Variants in TRPM3 observed in about 807,000 individuals in gnomAD.
The protein encoded by TRPM3 is long transient receptor potential channel 3.
TRPM3 carries 77 observed loss-of-function variants against 181.2 expected under a neutral mutation model. The observed-to-expected ratio is 0.42, with a 90% CI of 0.35 to 0.51. The LOEUF (loss-of-function observed/expected upper bound fraction) is 0.51, where lower values mean the gene tolerates loss of function less well. TRPM3 is among the 20% of genes least tolerant of loss of function. TRPM3 has a pLI of 0.01. For missense variants in TRPM3, 1,759 were observed against 2,196.7 expected (o/e 0.80, Z 3.98); for synonymous variants, 745 against 796.4 (o/e 0.94, Z 1.09).
intron 1 of TRPM3, among the ~76,000 whole-genome samples, chr9:71,266,541 G>A (rs1417271315): frequency 6.6e-6 from 1 of 151,984 alleles, no homozygotes. Flanking sequence ...CTCCCCATAA[G>A]TGGCAAAATG....
At chr9:70,815,772 T>G (rs1401556111) in intron 6 of TRPM3, among the ~76,000 whole-genome samples, 1 of 152,352 alleles carries the variant, frequency 6.6e-6, no homozygotes, top group East Asian at 1.9e-4. Flanking sequence ...TTTGCATTTG[T>G]TCACTGTATT....
chr9:71,275,790 C>A (rs1376764565), intron 1 of TRPM3, among the ~76,000 whole-genome samples: 1 of 151,402 alleles, frequency 6.6e-6, no homozygotes, highest in Admixed American at 6.6e-5. Context: ...ATGATGAGTG[C>A]ATAAATGCAA....
chr9:71,116,240 G>A (rs1024534876), intron 1 of TRPM3, among the ~76,000 whole-genome samples: 3 of 152,092 alleles, frequency 2.0e-5, no homozygotes, highest in African/African-American at 7.2e-5. Flanking sequence ...CTCTTGTGGT[G>A]GAAATTTAAC....
At chr9:71,441,957 G>T (rs184383208) in intron 1 of TRPM3, among the ~76,000 whole-genome samples, 5 of 152,266 alleles carry the variant, frequency 3.3e-5, no homozygotes, top group African/African-American at 1.2e-4. Flanking sequence ...AGACCTTAAA[G>T]AATTCGCTTT....
In TRPM3 at chr9:70,629,222, G is replaced by C. The variant is rs1461525826; in HGVS notation, c.1633-3705C>G. ...TGATTCTGTGACCAGTGCCGGGGGG[G>C]GGGGGGGCCTGCGTTCTGTTTGACC... On this transcript the variant is annotated intron_variant, in intron 12 of 25. Transcript: ENST00000677713. Among the ~76,000 whole-genome samples the C allele has an allele frequency of 4.0e-4, 35 of 87,678 alleles. 6 individuals are homozygous for C. The highest frequency in any genetic ancestry group is 4.0e-3 in the South Asian group (6 of 1,518). 57.5% of individuals were successfully genotyped at this position (87,678 alleles called of 152,430 possible). A position where few individuals can be genotyped will look rare whatever the true frequency, so the allele number is the denominator to read the frequency against.
At chr9:70,771,342 T>C (rs997737041) in intron 7 of TRPM3, among the ~76,000 whole-genome samples, 2 of 152,204 alleles carry the variant, frequency 1.3e-5, no homozygotes, top group Admixed American at 6.5e-5. Flanking sequence ...TAAGATGATA[T>C]AGCTGGTAAG....
At chr9:70,870,131 C>T (rs1010648833) in intron 1 of TRPM3, among the ~76,000 whole-genome samples, 7 of 151,840 alleles carry the variant, frequency 4.6e-5, no homozygotes, top group African/African-American at 1.5e-4. Context: ...TTCATTTTTC[C>T]GTAATCCTCT....
rs78008674 is a variant in TRPM3 at position 70,888,872 on chromosome 9, T to A, written c.178-24361A>T. ...ACCTGGAAGATTAGACATATGCATT[T>A]ATCTCGATTTCTCTCAAGTATTCTT... On this transcript the variant is annotated intron_variant, in intron 1 of 25. Coordinates refer to ENST00000677713, the MANE Select transcript of TRPM3 (RefSeq NM_001366145.2). Among the ~76,000 whole-genome samples the A allele has an allele frequency of 4.2e-4, 64 of 152,316 alleles. No individual in the cohort carries two copies. The East Asian group carries it at 0.012, about 29-fold the overall frequency.
At position 70,994,613 on chromosome 9, in the gene TRPM3, G is replaced by T. The variant is rs563726018; in HGVS notation, c.177+126565C>A. The stretch of plus-strand genomic sequence containing the variant: ...ATACACATTGATACGTATGCCCAGA[G>T]AAATTTTCCCCCTTCAGTATTTTTC... On this transcript the variant is annotated intron_variant, in intron 1 of 25. Transcript: ENST00000677713. 3.0e-4 allele frequency among the ~76,000 whole-genome samples: 46 copies of T among 151,962 alleles called. 1 individual carries two copies. In the South Asian group the frequency reaches 7.9e-3, roughly 26 times the overall value.
chr9:70,658,491 G>A (rs1307651057), intron 9 of TRPM3, among the ~76,000 whole-genome samples: 3 of 152,054 alleles, frequency 2.0e-5, no homozygotes, highest in East Asian at 3.9e-4. Flanking sequence ...GGCTGTGATT[G>A]TATAAATATG....
chr9:71,274,514 C>T (rs2084043465), intron 1 of TRPM3, among the ~76,000 whole-genome samples: 2 of 152,192 alleles, frequency 1.3e-5, no homozygotes, highest in South Asian at 4.1e-4. Context: ...TGTCATCTTC[C>T]CTTCCTACAG....
chr9:70,814,996 T>G (rs1296378540), intron 6 of TRPM3, among the ~76,000 whole-genome samples: 1 of 151,972 alleles, frequency 6.6e-6, no homozygotes, highest in Non-Finnish European at 1.5e-5. Flanking sequence ...AGGTATAAAG[T>G]GAAAAGTGTC....
chr9:71,260,677 C>T (rs894036782), intron 1 of TRPM3, among the ~76,000 whole-genome samples: 10 of 152,112 alleles, frequency 6.6e-5, no homozygotes, highest in East Asian at 1.9e-4. Context: ...TTTGGCTCTC[C>T]GTTTGTCTAT....
intron 1 of TRPM3, among the ~76,000 whole-genome samples, chr9:71,087,316 T>C (rs1041034909): frequency 6.6e-6 from 1 of 152,026 alleles, no homozygotes; most frequent in Non-Finnish European, 1.5e-5. Context: ...ATACTGTGCT[T>C]ATACAGGAAA....
intron 7 of TRPM3, among the ~76,000 whole-genome samples, chr9:70,769,208 C>T (rs1276952264): frequency 1.3e-5 from 2 of 152,146 alleles, no homozygotes; most frequent in Non-Finnish European, 2.9e-5. Flanking sequence ...TATGGTCTTG[C>T]TCCACAGCTA....
At chr9:70,552,744 G>A in intron 24 of TRPM3, 100 bp downstream of exon 24, 2 of 1,236,804 alleles carry the variant, frequency 1.6e-6, no homozygotes, top group Non-Finnish European at 2.4e-6. Flanking sequence ...GCCTGCAAGA[G>A]GTAGGAGGAA....
At chr9:70,549,695 G>GAAA (rs2045989131) in intron 24 of TRPM3, 21 bp from the exon 25 acceptor site, 1 of 1,564,442 alleles carries the variant, frequency 6.4e-7, no homozygotes, top group Non-Finnish European at 8.6e-7. Context: ...AAAAAAAAAG[G>GAAA]AAGTCTTGAG....
At chr9:71,295,506 TA>T (rs1454681138) in intron 1 of TRPM3, among the ~76,000 whole-genome samples, 3 of 151,444 alleles carry the variant, frequency 2.0e-5, no homozygotes, top group East Asian at 3.9e-4. Flanking sequence ...ACTTATCTTA[TA>T]AAGTATGAAC....
intron 1 of TRPM3, among the ~76,000 whole-genome samples, chr9:71,090,544 G>A (rs1012597517): frequency 6.6e-6 from 1 of 152,090 alleles, no homozygotes; most frequent in Non-Finnish European, 1.5e-5. Context: ...CCTAAGAGAC[G>A]CTTCCCAGAC....
Sources: gnomAD v4.1 joint callset for allele counts (sites outside exome capture counted in the v4.1 genomes callset) on GRCh38, gnomAD v4.1.1 for gene constraint, MANE v1.5 for transcripts, NCBI Gene and HGNC (gene_info 2026-07-23, HGNC 2026-07-21) for gene names.